KCNQ4: variants seen among roughly 807,000 people sequenced by gnomAD.
The protein encoded by KCNQ4 is potassium voltage-gated channel subfamily Q member 4.
KCNQ4 carries 31 observed loss-of-function variants against 72.6 expected under a neutral mutation model. That is an observed-to-expected ratio of 0.43 (90% CI 0.32 to 0.58). KCNQ4 has a LOEUF of 0.58. Ranked by LOEUF, KCNQ4 falls within the 20% of genes least tolerant of loss-of-function variation. KCNQ4 has a pLI of 0.08. For missense variants in KCNQ4, 869 were observed against 962.6 expected, an observed-to-expected ratio of 0.90 and a Z score of 1.29; for synonymous variants, 405 against 403.7, an observed-to-expected ratio of 1.00 and a Z score of -0.04.
intron 9 of KCNQ4, chr1:40,826,834 T>C (rs1183046819): frequency 8.5e-6 from 3 of 354,774 alleles, no homozygotes; most frequent in Non-Finnish European, 1.7e-5. Context: ...AGTGAACCCC[T>C]CGCCTTTCTG....
In KCNQ4 at chr1:40,830,583, GCACA is replaced by G. The variant is rs151080834; in HGVS notation, c.1293-491_1293-488del. On this transcript the variant is annotated intron_variant, in intron 9 of 13. Coordinates refer to ENST00000347132, the MANE Select transcript of KCNQ4 (RefSeq NM_004700.4). ...GCACAAGGTGTGTGTGTGCATGCGC[GCACA>G]CACACACACCCTCGACTCCACACAG... 5.2e-3 allele frequency among the ~76,000 whole-genome samples: 785 copies of G among 151,758 alleles called. 7 individuals carry two copies. The highest frequency in any genetic ancestry group is 0.018 in the African/African-American group (760 of 41,372).
Position 40,817,316 on chromosome 1 carries a change from G to A in KCNQ4, c.366G>A (p.Gln122=). The A allele has an allele frequency of 6.2e-7, 1 of 1,614,038 alleles. No individual in the cohort carries two copies. The change falls in exon 2 of 14, where the codon CAG becomes CAA. Residue 122 remains glutamine (Q), a synonymous_variant. Transcript: ENST00000347132. This position sits in a 1 kb window ranked among gnomAD's most constrained non-coding sequence, Gnocchi z 5.5. ...TGCTGTCTGTGCTGTCCACTATCCA[G>A]GAGCACCAGGAACTTGCCAACGAGT... is the stretch of plus-strand genomic sequence containing the variant. The part of the protein sequence containing the change: ...CLVLSVLSTI[Q]EHQELANECL...
Position 40,837,677 on chromosome 1 carries a change from T to C in KCNQ4, c.1758T>C (p.Ile586=). The C allele has an allele frequency of 3.1e-6, 5 of 1,613,144 alleles. No individual in the cohort carries two copies. Among genetic ancestry groups the C allele is most frequent in the Non-Finnish European group, 4.2e-6 (5 of 1,179,744 alleles). Reference sequence around the variant, plus strand: ...CCCTTACCCTTAGGGTGGACCAAATTGTGGGTCGGGGGCCCGGGGACAGGA... The same window carrying C: ...CCCTTACCCTTAGGGTGGACCAAATCGTGGGTCGGGGGCCCGGGGACAGGA... The part of the protein sequence containing the change: ...IKSLQTRVDQ[I]VGRGPGDRKA... The change falls in exon 13 of 14, where the codon ATT becomes ATC. Residue 586 remains isoleucine (I), a synonymous_variant. Transcript: ENST00000347132.
chr1:40,803,942 A>G (rs905265495), intron 1 of KCNQ4, among the ~76,000 whole-genome samples: 2 of 151,890 alleles, frequency 1.3e-5, no homozygotes, highest in Non-Finnish European at 2.9e-5. Flanking sequence ...TCCCCAGGGA[A>G]CTCTGCCCTC....
intron 1 of KCNQ4, among the ~76,000 whole-genome samples, chr1:40,796,745 C>T (rs1294840954): frequency 6.6e-6 from 1 of 152,022 alleles, no homozygotes; most frequent in Non-Finnish European, 1.5e-5. Context: ...GGTGAAACCC[C>T]GTCTCTACTG....
intron 1 of KCNQ4, among the ~76,000 whole-genome samples, chr1:40,799,867 G>A (rs1200609359): frequency 6.6e-6 from 1 of 152,194 alleles, no homozygotes; most frequent in African/African-American, 2.4e-5. Flanking sequence ...ACTGTTTCAA[G>A]TCATAGATCT....
In KCNQ4 at chr1:40,833,067, G is replaced by A. The variant is rs777964870; in HGVS notation, c.1567G>A (p.Val523Met). 63 of 1,613,336 alleles carry A rather than the reference G, an allele frequency of 3.9e-5. 2 individuals carry two copies. The Middle Eastern group carries it at 4.9e-4, about 13-fold the overall frequency. The change falls in exon 11 of 14, where the codon GTG becomes ATG. Residue 523 changes from valine to methionine, a missense_variant. Transcript: ENST00000347132. ...EEKSYQCELT[V>M]DDIMPAVKTV... ...GAAGAGCTACCAGTGTGAGCTCACG[G>A]TGGACGACATCATGCCTGCTGTGAA...
chr1:40,826,691 C>T (rs1020626381), intron 9 of KCNQ4: 6 of 455,690 alleles, frequency 1.3e-5, no homozygotes, highest in Admixed American at 2.4e-5. Flanking sequence ...AGCTGGAGAC[C>T]GAGGTACCCC....
chr1:40,807,104 T>A (rs1570814997), intron 1 of KCNQ4, among the ~76,000 whole-genome samples: 1 of 152,032 alleles, frequency 6.6e-6, no homozygotes, highest in Non-Finnish European at 1.5e-5. Context: ...TCTAGAGGGG[T>A]CAAGTTTTTA....
chr1:40,819,994 C>T lies in KCNQ4; in HGVS notation c.945+9C>T. On this transcript the variant is annotated intron_variant, in intron 6 of 13. Coordinates refer to ENST00000347132, the MANE Select transcript of KCNQ4 (RefSeq NM_004700.4). ...TCTTTGCCCTGCCTGCCGTGAGTTG[C>T]CTCCTGCTCAGTTGGTGGGGGAGGC... The T allele has an allele frequency of 6.2e-7, 1 of 1,610,162 alleles. No individual in the cohort carries two copies. Among genetic ancestry groups the T allele is most frequent in the African/African-American group, 1.3e-5 (1 of 74,974 alleles).
At chr1:40,818,019 A>T in intron 2 of KCNQ4, 145 bp from the exon 3 acceptor site, 1 of 1,025,294 alleles carries the variant, frequency 9.8e-7, no homozygotes, top group Non-Finnish European at 1.5e-6. Context: ...TGCCCTCCGG[A>T]ATCGTCAAGT....
chr1:40,837,865 A>G, intron 13 of KCNQ4, 71 bp downstream of exon 13: 1 of 1,550,074 alleles, frequency 6.5e-7, no homozygotes, highest in Non-Finnish European at 8.7e-7. Context: ...CATGGGGAGG[A>G]TGCGTTTCCC....
At chr1:40,810,199 A>G (rs1393527894) in intron 1 of KCNQ4, among the ~76,000 whole-genome samples, 1 of 152,090 alleles carries the variant, frequency 6.6e-6, no homozygotes, top group African/African-American at 2.4e-5. Flanking sequence ...CACACCATCC[A>G]GAACTGCTGG....
At chr1:40,835,157 A>G in intron 12 of KCNQ4, 59 bp downstream of exon 12, 1 of 1,588,076 alleles carries the variant, frequency 6.3e-7, no homozygotes, top group Non-Finnish European at 8.6e-7. Context: ...CCAGCCCTGA[A>G]TGAAGTCTGA....
rs1647366011 is a variant in KCNQ4, at chr1:40,794,955, TAAGATTGGG to T, written c.314+10549_314+10557del. Among the ~76,000 whole-genome samples, 1 of 106,254 alleles carries T rather than the reference TAAGATTGGG, an allele frequency of 9.4e-6. No homozygotes were observed. The highest frequency in any genetic ancestry group is 3.8e-5 in the African/African-American group (1 of 26,444). 69.7% of individuals were successfully genotyped at this position (106,254 alleles called of 152,430 possible). ...TGAGGACCAACCCAAGGCTCTTTCC[TAAGATTGGG>T]TTGGGCGGGTGGGGGGGTGGGGGGC... On this transcript the variant is annotated intron_variant, in intron 1 of 13. Coordinates refer to ENST00000347132, the MANE Select transcript of KCNQ4 (RefSeq NM_004700.4). The surrounding 1 kb of genome is among the most constrained non-coding windows in gnomAD (Gnocchi z 4.2).
chr1:40,821,658 G>A (rs1648297863), intron 7 of KCNQ4, among the ~76,000 whole-genome samples: 1 of 152,184 alleles, frequency 6.6e-6, no homozygotes, highest in Non-Finnish European at 1.5e-5. Context: ...GGCATTGCTA[G>A]TAATAATAAT....
intron 9 of KCNQ4, among the ~76,000 whole-genome samples, chr1:40,827,670 A>G (rs1245816422): frequency 6.6e-6 from 1 of 152,138 alleles, no homozygotes; most frequent in African/African-American, 2.4e-5. Flanking sequence ...CTGGCTGCCC[A>G]TGTGTGCTTC....
intron 1 of KCNQ4, among the ~76,000 whole-genome samples, chr1:40,805,326 C>T (rs1193216670): frequency 1.3e-5 from 2 of 152,074 alleles, no homozygotes; most frequent in African/African-American, 4.8e-5. Context: ...TGAGCTACTC[C>T]CTGCTCAAAC....
intron 1 of KCNQ4, among the ~76,000 whole-genome samples, chr1:40,805,658 A>T (rs1250617428): frequency 6.6e-6 from 1 of 152,088 alleles, no homozygotes; most frequent in African/African-American, 2.4e-5. Flanking sequence ...CGCGTTTGCC[A>T]TTGTCAGGGA....
Sources: gnomAD v4.1 joint callset for allele counts (sites outside exome capture counted in the v4.1 genomes callset) on GRCh38, gnomAD v4.1.1 for gene constraint, Gnocchi (gnomAD v3.1) non-coding constraint, MANE v1.5 for transcripts, NCBI Gene and HGNC (gene_info 2026-07-23, HGNC 2026-07-21) for gene names.